Variants in AOX1 observed in about 807,000 individuals in gnomAD.
AOX1 encodes aldehyde oxidase.
Under a neutral mutation model 169.5 loss-of-function variants are expected in AOX1, and 153 were observed. The ratio of observed to expected loss-of-function variants is 0.90; its 90% CI spans 0.79 to 1.03. The LOEUF (loss-of-function observed/expected upper bound fraction) is 1.03. Among genes scored for constraint, AOX1 ranks in the 50% least tolerant of loss-of-function variants. The pLI, the probability that AOX1 is intolerant of heterozygous loss-of-function variation, is 0.00. For synonymous variants in AOX1, 562 were observed against 581.9 expected (o/e 0.97, Z 0.49); for missense variants, 1,656 against 1,663.9 (o/e 1.00, Z 0.08).
intron 25 of AOX1, among the ~76,000 whole-genome samples, chr2:200,649,984 C>T (rs1244074574): frequency 1.3e-5 from 2 of 152,222 alleles, no homozygotes; most frequent in African/African-American, 4.8e-5. Context: ...GCACAGCATT[C>T]CACTGGTGAC....
At position 200,611,418 on chromosome 2, in the gene AOX1, C is replaced by G. The variant is rs1467765553; in HGVS notation, c.1188C>G (p.Phe396Leu). 6.2e-7 allele frequency: 1 copy of G among 1,613,862 alleles called. No homozygotes were observed. The highest frequency in any genetic ancestry group is 8.5e-7 in the Non-Finnish European group (1 of 1,179,774). The change falls in exon 13 of 35, where the codon TTC becomes TTG. Residue 396 changes from phenylalanine to leucine, a missense_variant. Physicochemically the swap from Phe to Leu is conservative, Grantham distance 22. Coordinates refer to ENST00000374700, the MANE Select transcript of AOX1 (RefSeq NM_001159.4). The part of the protein sequence containing the change: ...GKRQIPLNEQ[F>L]LSKCPNADLK... ...GACAGATTCCTTTAAATGAGCAATT[C>G]CTCAGCAAGTGCCCTAATGCAGATC...
chr2:200,623,857 G>A lies in AOX1; in HGVS notation c.2002-4G>A, dbSNP rs186823223. The A allele has an allele frequency of 1.9e-5, 30 of 1,613,724 alleles. No individual in the cohort carries two copies. In the East Asian group the frequency reaches 3.1e-4, roughly 17 times the overall value. On this transcript the variant is annotated splice_region_variant and splice_polypyrimidine_tract_variant and intron_variant, in intron 18 of 34. Coordinates refer to ENST00000374700, the MANE Select transcript of AOX1 (RefSeq NM_001159.4). ...TTGACAACAAAGGTCTTTCTGTGTC[G>A]TAGGTGTTCTGTGTGGGTCAGCTTG...
chr2:200,637,432 T>C (rs1217988645), intron 22 of AOX1, among the ~76,000 whole-genome samples: 1 of 152,198 alleles, frequency 6.6e-6, no homozygotes, highest in East Asian at 1.9e-4. Flanking sequence ...ATAAACCATG[T>C]ACCTATATAT....
chr2:200,678,761 C>A (rs1199238619), downstream of AOX1: 1 of 149,280 alleles, frequency 6.7e-6, no homozygotes, highest in Non-Finnish European at 1.5e-5. Context: ...ACTGCAATTT[C>A]TCTTGCACTT....
intron 29 of AOX1, among the ~76,000 whole-genome samples, chr2:200,660,694 C>T (rs537705069): frequency 3.3e-5 from 5 of 152,308 alleles, no homozygotes; most frequent in African/African-American, 9.6e-5. Context: ...GCATGTGTCA[C>T]GCTGGCTATT....
At chr2:200,659,866 C>G (rs2035786564) in intron 28 of AOX1, 129 bp from the exon 29 acceptor site, 4 of 666,420 alleles carry the variant, frequency 6.0e-6, no homozygotes, top group Admixed American at 2.7e-5. Context: ...CACCTTCATA[C>G]AGGGTTGGTG....
chr2:200,667,080 T>C lies in AOX1; in HGVS notation c.3609+328T>C, dbSNP rs547964061. On this transcript the variant is annotated intron_variant, in intron 32 of 34. Transcript: ENST00000374700. ...CCAGTGCTGAGCCTTAGCCACACGA[T>C]GGGCTTCAGCTTCGAGGAGTTTGAA... 7.3e-4 allele frequency among the ~76,000 whole-genome samples: 111 copies of C among 152,348 alleles called. 3 individuals are homozygous for C. In the South Asian group the frequency reaches 0.022, roughly 30 times the overall value.
chr2:200,680,894 A>G (rs1206153042), downstream of AOX1, among the ~76,000 whole-genome samples: 4 of 152,186 alleles, frequency 2.6e-5, no homozygotes, highest in South Asian at 2.1e-4. Flanking sequence ...CTGAAGATAC[A>G]TTAGTAAAAA....
At chr2:200,636,264 G>C (rs1051244985) in intron 21 of AOX1, among the ~76,000 whole-genome samples, 2 of 151,768 alleles carry the variant, frequency 1.3e-5, no homozygotes, top group African/African-American at 2.4e-5. Context: ...GAGCAGCTGG[G>C]ATTATAGGCA....
At position 200,611,451 on chromosome 2, in the gene AOX1, T is replaced by C; in HGVS notation, c.1221T>C (p.Pro407=). The change falls in exon 13 of 35, where the codon CCT becomes CCC. Residue 407 remains proline (P), a synonymous_variant. Transcript: ENST00000374700. The part of the protein sequence containing the change: ...LSKCPNADLK[P]QEILVSVNIP... ...AGTGCCCTAATGCAGATCTTAAGCC[T>C]CAAGAAATCTTGGTCTCAGTGAACA... 1 of 1,613,986 alleles carries C rather than the reference T, an allele frequency of 6.2e-7. No homozygotes were observed. Among genetic ancestry groups the C allele is most frequent in the Non-Finnish European group, 8.5e-7 (1 of 1,179,862 alleles).
At chr2:200,595,392 A>T in intron 3 of AOX1, 24 bp downstream of exon 3, 5 of 1,566,684 alleles carry the variant, frequency 3.2e-6, no homozygotes, top group Non-Finnish European at 4.4e-6. Flanking sequence ...AAGTCCAGAT[A>T]TGGTTGAATT....
chr2:200,664,347 C>G (rs1425584465), intron 31 of AOX1, among the ~76,000 whole-genome samples: 2 of 152,200 alleles, frequency 1.3e-5, no homozygotes, highest in Non-Finnish European at 2.9e-5. Flanking sequence ...TGGTCTCAAA[C>G]TCCTGGCCTT....
intron 16 of AOX1, 121 bp from the exon 17 acceptor site, chr2:200,620,529 C>A: frequency 1.0e-6 from 1 of 959,710 alleles, no homozygotes; most frequent in Non-Finnish European, 1.5e-6. Context: ...TTTTCATATG[C>A]AAAAGTATTC....
chr2:200,676,611 A>G (rs988887380), intron 4 of AOX1, among the ~76,000 whole-genome samples: 1 of 151,528 alleles, frequency 6.6e-6, no homozygotes, highest in East Asian at 1.9e-4. Flanking sequence ...AAAAAAAAAA[A>G]AAAAAGAAGA....
Position 200,620,741 on chromosome 2 carries a change from A to G in AOX1, c.1796A>G (p.Tyr599Cys), listed in dbSNP as rs1041271793. 1.2e-6 allele frequency: 2 copies of G among 1,608,556 alleles called. No individual in the cohort carries two copies. Among genetic ancestry groups the G allele is most frequent in the Non-Finnish European group, 8.5e-7 (1 of 1,178,302 alleles). Reference sequence around the variant, plus strand: ...AAGCATGCCACGGGGGAGGCCATCTACTGTGATGACATGCCTCTGGTGGAC... The same window carrying G: ...AAGCATGCCACGGGGGAGGCCATCTGCTGTGATGACATGCCTCTGGTGGAC... ...GVKHATGEAI[Y>C]CDDMPLVDQE... The change falls in exon 17 of 35, where the codon TAC becomes TGC. Residue 599 changes from tyrosine (Y) to cysteine (C), a missense_variant. By Grantham distance (194) the Tyr-to-Cys change is radical (BLOSUM62 -2). Coordinates refer to ENST00000374700, the MANE Select transcript of AOX1 (RefSeq NM_001159.4).
chr2:200,609,240 T>C (rs2105705903), intron 11 of AOX1, 81 bp from the exon 12 acceptor site: 2 of 1,591,680 alleles, frequency 1.3e-6, no homozygotes, highest in Middle Eastern at 1.7e-4. Context: ...AAAATAGTTC[T>C]CCAAAGCCTT....
intron 20 of AOX1, 74 bp from the exon 21 acceptor site, chr2:200,634,717 C>T (rs2035195667): frequency 1.3e-5 from 21 of 1,569,500 alleles, no homozygotes; most frequent in South Asian, 8.2e-5. Flanking sequence ...TTCTGCATAA[C>T]GGGATAATAC....
chr2:200,604,636 G>A, intron 8 of AOX1, 60 bp from the exon 9 acceptor site: 1 of 1,566,460 alleles, frequency 6.4e-7, no homozygotes, highest in Non-Finnish European at 8.8e-7. Context: ...TAATGATTGA[G>A]TGGAAACAGG....
intron 25 of AOX1, among the ~76,000 whole-genome samples, chr2:200,650,597 C>T (rs961848346): frequency 6.6e-6 from 1 of 152,152 alleles, no homozygotes; most frequent in South Asian, 2.1e-4. Context: ...TCTTATCTTG[C>T]AACATAGCAT....
Sources: allele counts gnomAD v4.1 joint callset (sites outside exome capture counted in the v4.1 genomes callset), GRCh38; gene constraint gnomAD v4.1.1; transcripts MANE v1.5; gene names NCBI Gene and HGNC (gene_info 2026-07-23, HGNC 2026-07-21).